ELP2: variants seen among roughly 807,000 people sequenced by gnomAD.
The protein encoded by ELP2 is elongator acetyltransferase complex subunit 2, also known as elongator complex protein 2.
A neutral mutation model predicts 119.2 loss-of-function variants in ELP2; 90 were observed. That is an observed-to-expected ratio of 0.75 (90% CI 0.64 to 0.90). ELP2 has a LOEUF of 0.90. ELP2 is among the 40% of genes least tolerant of loss of function. The pLI, the probability that ELP2 is intolerant of heterozygous loss-of-function variation, is 0.00. For synonymous variants in ELP2, 339 were observed against 331.0 expected (o/e 1.02, Z -0.26); for missense variants, 921 against 967.8 (o/e 0.95, Z 0.64).
intron 5 of ELP2, 139 bp from the exon 6 acceptor site, chr18:36,140,998 C>A: frequency 1.3e-6 from 1 of 750,492 alleles, no homozygotes; most frequent in Non-Finnish European, 2.4e-6. Flanking sequence ...ATTTATTGAG[C>A]ATTTTCAATT....
Position 36,138,838 on chromosome 18 carries a change from G to T in ELP2, c.489G>T (p.Leu163Phe), listed in dbSNP as rs747904116. ...TAAACTTTGGAAATGGATTTGCTTT[G>T]GCTCTCTGCTTATCTTTTTTGCCAA... ...QTLNFGNGFA[L>F]ALCLSFLPNT... Residue 163 changes from leucine (L) to phenylalanine (F), a missense_variant, in exon 5 of 22, where the codon TTG (leucine) becomes TTT (phenylalanine). By Grantham distance (22) the Leu-to-Phe change is conservative. Coordinates refer to ENST00000358232, the MANE Select transcript of ELP2 (RefSeq NM_018255.4). 6.2e-7 allele frequency: 1 copy of T among 1,613,684 alleles called. No homozygotes were observed. Among genetic ancestry groups the T allele is most frequent in the East Asian group, 2.2e-5 (1 of 44,854 alleles).
chr18:36,174,921 CGT>C lies in ELP2; in HGVS notation c.*281_*282del. The C allele has an allele frequency of 2.7e-6, 1 of 364,412 alleles. No homozygotes were observed. Among genetic ancestry groups the C allele is most frequent in the Non-Finnish European group, 5.2e-6 (1 of 192,296 alleles). The allele number at this position is 364,412 out of a possible 1,614,324, so 22.6% of individuals were successfully genotyped here. On this transcript the variant is annotated 3_prime_UTR_variant, in exon 22 of 22. Coordinates refer to ENST00000358232, the MANE Select transcript of ELP2 (RefSeq NM_018255.4). ...TTGGCCAGGCGGGTCTCAAACTCCT[CGT>C]CTCAGGTGATCTGCTTGCCTCGGCC...
chr18:36,141,371 C>A (rs761075297), intron 6 of ELP2, 170 bp downstream of exon 6: 5 of 636,058 alleles, frequency 7.9e-6, no homozygotes, highest in South Asian at 7.0e-5. Context: ...ACTCTGAACA[C>A]CAAGTAACCG....
chr18:36,173,993 T>C (rs2144842478), intron 21 of ELP2, among the ~76,000 whole-genome samples: 1 of 152,310 alleles, frequency 6.6e-6, no homozygotes, highest in Non-Finnish European at 1.5e-5. Context: ...GACTCTTTCA[T>C]TGTGCAGTAC....
Position 36,154,914 on chromosome 18 carries a change from A to T in ELP2, c.1190A>T (p.Asp397Val). The T allele has an allele frequency of 6.2e-7, 1 of 1,614,072 alleles. No homozygotes were observed. The change falls in exon 12 of 22, where the codon GAT becomes GTT. Residue 397 changes from aspartate (D) to valine (V), a missense_variant. Asp to Val is a radical substitution (Grantham distance 152). Transcript: ENST00000358232. The part of the protein sequence containing the change: ...HFDGVQDLVW[D>V]PEGEFIITVG... ...GATGGTGTCCAAGACCTAGTCTGGG[A>T]TCCAGAAGGAGAATTTATTATCACT...
chr18:36,159,139 G>C (rs1204420646), intron 14 of ELP2, among the ~76,000 whole-genome samples: 1 of 145,938 alleles, frequency 6.9e-6, no homozygotes, highest in Non-Finnish European at 1.5e-5. Flanking sequence ...TTGAGACAGA[G>C]TCTTGCTCTG....
Position 36,144,856 on chromosome 18 carries a change from T to C in ELP2, c.797-83T>C. The C allele has an allele frequency of 2.6e-6, 3 of 1,160,794 alleles. No homozygotes were observed. The Admixed American group carries it at 5.3e-5, about 20-fold the overall frequency. 71.9% of individuals were successfully genotyped at this position (1,160,794 alleles called of 1,614,324 possible). A position where few individuals can be genotyped will look rare whatever the true frequency, so the allele number is the denominator to read the frequency against. Reference sequence around the variant, plus strand: ...TTTGTCCTAATTTTTTTTTCTTACATAATTGCCCAACTGTCTTGGTTATGG... The same window carrying C: ...TTTGTCCTAATTTTTTTTTCTTACACAATTGCCCAACTGTCTTGGTTATGG... On this transcript the variant is annotated intron_variant, in intron 8 of 21. Transcript: ENST00000358232.
rs1476844340 is a variant in ELP2 at position 36,180,526 on chromosome 18, G to T, written c.*5885G>T. 1 of 152,230 alleles carries T rather than the reference G, an allele frequency of 6.6e-6. No homozygotes were observed. The highest frequency in any genetic ancestry group is 1.5e-5 in the Non-Finnish European group (1 of 68,038). 9.4% of individuals were successfully genotyped at this position (152,230 alleles called of 1,614,324 possible). A position where few individuals can be genotyped will look rare whatever the true frequency, so the allele number is the denominator to read the frequency against. On this transcript the variant is annotated 3_prime_UTR_variant, in exon 22 of 22. Coordinates refer to ENST00000358232, the MANE Select transcript of ELP2 (RefSeq NM_018255.4). Reference sequence around the variant, plus strand: ...AGTAATTTGTATCTGGTACTATTATGATTAAATAAAGCTCTGCTCGTGTCA... The same window carrying T: ...AGTAATTTGTATCTGGTACTATTATTATTAAATAAAGCTCTGCTCGTGTCA...
intron 18 of ELP2, 130 bp from the exon 19 acceptor site, chr18:36,166,971 A>G (rs568687249): frequency 4.2e-5 from 41 of 972,650 alleles, no homozygotes; most frequent in African/African-American, 6.7e-5. Context: ...GCTTCAGTCT[A>G]TTTCAAAAGT....
chr18:36,169,631 A>T (rs1238865780), intron 19 of ELP2, among the ~76,000 whole-genome samples: 1 of 151,974 alleles, frequency 6.6e-6, no homozygotes, highest in Non-Finnish European at 1.5e-5. Flanking sequence ...CAGGTGATCC[A>T]CCCACCTCGG....
At chr18:36,150,427 C>T (rs2090359177) in intron 11 of ELP2, among the ~76,000 whole-genome samples, 1 of 152,210 alleles carries the variant, frequency 6.6e-6, no homozygotes. Context: ...CTGCCATCCC[C>T]ATTAGAATGT....
chr18:36,134,503 T>G (rs1046657355), intron 2 of ELP2, among the ~76,000 whole-genome samples: 1 of 152,222 alleles, frequency 6.6e-6, no homozygotes, highest in African/African-American at 2.4e-5. Flanking sequence ...CCCATCAAAA[T>G]GTTATATATG....
intron 11 of ELP2, among the ~76,000 whole-genome samples, chr18:36,153,986 A>G (rs199867473): frequency 4.9e-4 from 74 of 152,180 alleles, no homozygotes; most frequent in East Asian, 4.8e-3. Context: ...CCATTGCTCA[A>G]AACTTTTTGT....
At position 36,142,862 on chromosome 18, in the gene ELP2, G is replaced by A. The variant is rs369928198; in HGVS notation, c.692G>A (p.Cys231Tyr). ...DLFLASCSQD[C>Y]LIRIWKLYIK... ...TTCCTAGCAAGCTGTTCACAAGATT[G>A]CCTGATAAGAATATGGAAGCTGTAT... The change falls in exon 8 of 22, where the codon TGC (cysteine) becomes TAC (tyrosine). Residue 231 changes from cysteine to tyrosine, a missense_variant. Coordinates refer to ENST00000358232, the MANE Select transcript of ELP2 (RefSeq NM_018255.4). 2.4e-4 allele frequency: 392 copies of A among 1,606,450 alleles called. 6 individuals carry two copies. The South Asian group carries it at 4.2e-3, about 17-fold the overall frequency.
intron 9 of ELP2, 144 bp downstream of exon 9, chr18:36,145,178 C>T (rs2090159340): frequency 1.0e-5 from 7 of 689,584 alleles, no homozygotes; most frequent in Non-Finnish European, 1.9e-5. Flanking sequence ...TATAATACTG[C>T]ATTCCTGGTC....
chr18:36,161,125 G>T (rs905126688), intron 17 of ELP2, 121 bp downstream of exon 17: 46 of 742,262 alleles, frequency 6.2e-5, no homozygotes, highest in Non-Finnish European at 1.0e-4. Flanking sequence ...TTGGTTTTTT[G>T]AATCTTACTT....
intron 5 of ELP2, chr18:36,139,428 A>G: frequency 1.3e-6 from 2 of 1,535,522 alleles, no homozygotes; most frequent in Non-Finnish European, 1.7e-6. Flanking sequence ...GTTACCTGGA[A>G]GACTGGCCAG....
Position 36,129,963 on chromosome 18 carries a change from C to T in ELP2, c.30C>T (p.His10=), listed in dbSNP as rs1184858411. 1.2e-6 allele frequency: 2 copies of T among 1,614,230 alleles called. No individual in the cohort carries two copies. The highest frequency in any genetic ancestry group is 2.2e-5 in the East Asian group (1 of 44,878). The change falls in exon 1 of 22, where the codon CAC becomes CAT. Residue 10 remains histidine, a synonymous_variant. Transcript: ENST00000358232. The part of the protein sequence containing the change: MVAPVLETS[H]VFCCPNRVRG... ...TGGCACCCGTGCTGGAGACTTCTCA[C>T]GTGTTTTGCTGCCCAAACCGGGTGC...
chr18:36,161,095 A>G (rs1368440591), intron 17 of ELP2, 91 bp downstream of exon 17: 1 of 885,528 alleles, frequency 1.1e-6, no homozygotes, highest in Non-Finnish European at 1.9e-6. Flanking sequence ...GCAGAACTCT[A>G]CGTGAAAGGC....
Sources: gnomAD v4.1 joint callset for allele counts (sites outside exome capture counted in the v4.1 genomes callset) on GRCh38, gnomAD v4.1.1 for gene constraint, MANE v1.5 for transcripts, NCBI Gene and HGNC (gene_info 2026-07-23, HGNC 2026-07-21) for gene names.